Variants in ASCC3 observed in about 807,000 individuals in gnomAD.
ASCC3 encodes the protein activating signal cointegrator 1 complex subunit 3.
A neutral mutation model predicts 256.3 loss-of-function variants in ASCC3; 158 were observed. The ratio of observed to expected loss-of-function variants is 0.62; its 90% CI spans 0.54 to 0.70. ASCC3 has a LOEUF of 0.70. Ranked by LOEUF, ASCC3 falls within the 30% of genes least tolerant of loss-of-function variation. The pLI is 0.00. For missense variants in ASCC3, 2,259 were observed against 2,626.0 expected (o/e 0.86, Z 3.05); for synonymous variants, 948 against 883.4 (o/e 1.07, Z -1.30).
chr6:100,541,023 G>T (rs1483698302), intron 36 of ASCC3, among the ~76,000 whole-genome samples: 1 of 152,148 alleles, frequency 6.6e-6, no homozygotes, highest in African/African-American at 2.4e-5. Flanking sequence ...GGGTACAGTA[G>T]TGAAAAGTAG....
intron 8 of ASCC3, among the ~76,000 whole-genome samples, chr6:100,772,218 C>T (rs780552197): frequency 1.3e-5 from 2 of 152,092 alleles, no homozygotes; most frequent in South Asian, 4.1e-4. Flanking sequence ...CAAACATACA[C>T]CTAAACTAAA....
intron 17 of ASCC3, among the ~76,000 whole-genome samples, chr6:100,654,126 G>C (rs1231148765): frequency 6.6e-6 from 1 of 152,020 alleles, no homozygotes; most frequent in Non-Finnish European, 1.5e-5. Flanking sequence ...AATACAAAAA[G>C]TCTTAAATGT....
At chr6:100,648,091 A>T (rs1775477462) in intron 20 of ASCC3, among the ~76,000 whole-genome samples, 1 of 152,138 alleles carries the variant, frequency 6.6e-6, no homozygotes, top group Non-Finnish European at 1.5e-5. Context: ...AAAAAATTTG[A>T]CCAAGGTCAC....
At chr6:100,527,894 T>C (rs1381119731) in intron 37 of ASCC3, among the ~76,000 whole-genome samples, 2 of 151,746 alleles carry the variant, frequency 1.3e-5, no homozygotes, top group African/African-American at 4.8e-5. Flanking sequence ...GCTGGAGTGC[T>C]GCAGCATGAA....
At chr6:100,868,566 AT>A (rs954812429) in intron 1 of ASCC3, among the ~76,000 whole-genome samples, 1 of 152,192 alleles carries the variant, frequency 6.6e-6, no homozygotes, top group Non-Finnish European at 1.5e-5. Flanking sequence ...CAAAATTTTA[AT>A]TCTTTTTATA....
In ASCC3 at chr6:100,830,050, C is replaced by A. The variant is rs6917195; in HGVS notation, c.801+18098G>T. Among the ~76,000 whole-genome samples the A allele has an allele frequency of 2.0e-5, 3 of 151,692 alleles. No homozygotes were observed. In the East Asian group the frequency reaches 5.9e-4, roughly 30 times the overall value. ...ACAGAGCAAGATGGTACAAGACTAC[C>A]CACAACGGCATGTAATTTAAAAACC... On this transcript the variant is annotated intron_variant, in intron 4 of 41. Transcript: ENST00000369162.
chr6:100,703,787 T>C (rs1778452051), intron 13 of ASCC3, among the ~76,000 whole-genome samples: 1 of 151,938 alleles, frequency 6.6e-6, no homozygotes, highest in Admixed American at 6.6e-5. Context: ...ACCCATAGAA[T>C]GTCTATAACA....
chr6:100,580,788 T>A (rs574562278), intron 36 of ASCC3, among the ~76,000 whole-genome samples: 153 of 137,330 alleles, frequency 1.1e-3, no homozygotes, highest in African/African-American at 3.7e-3. Context: ...TGTGTCCATG[T>A]GTTCTCATTG....
intron 4 of ASCC3, among the ~76,000 whole-genome samples, chr6:100,811,722 A>G (rs754067514): frequency 3.9e-5 from 6 of 152,182 alleles, no homozygotes; most frequent in African/African-American, 9.6e-5. Context: ...TAAGTACTCT[A>G]TGAAAAACAT....
At chr6:100,616,316 A>C (rs1016335271) in intron 30 of ASCC3, among the ~76,000 whole-genome samples, 2 of 152,228 alleles carry the variant, frequency 1.3e-5, no homozygotes, top group Non-Finnish European at 2.9e-5. Flanking sequence ...TCTAGCATCT[A>C]AAAACACTTT....
At chr6:100,717,769 T>C (rs1451379019) in intron 12 of ASCC3, among the ~76,000 whole-genome samples, 2 of 152,086 alleles carry the variant, frequency 1.3e-5, no homozygotes, top group African/African-American at 4.8e-5. Flanking sequence ...CCTTCAATCA[T>C]TTCACGTCAA....
intron 4 of ASCC3, among the ~76,000 whole-genome samples, chr6:100,816,615 G>A (rs1028851982): frequency 6.6e-6 from 1 of 152,056 alleles, no homozygotes; most frequent in African/African-American, 2.4e-5. Flanking sequence ...GCAGGAACAT[G>A]GGTGAAAGCC....
At chr6:100,586,819 G>A (rs563453339) in intron 36 of ASCC3, among the ~76,000 whole-genome samples, 2 of 152,162 alleles carry the variant, frequency 1.3e-5, no homozygotes, top group Admixed American at 1.3e-4. Context: ...AAAGACAAAT[G>A]TAATGGGTAG....
At chr6:100,662,647 T>G in intron 14 of ASCC3, 111 bp from the exon 15 acceptor site, 1 of 974,618 alleles carries the variant, frequency 1.0e-6, no homozygotes. Context: ...TTTAAGCATC[T>G]TAAGGTATTA....
At chr6:100,589,541 C>A (rs1771879511) in intron 36 of ASCC3, 93 bp downstream of exon 36, 3 of 1,490,982 alleles carry the variant, frequency 2.0e-6, no homozygotes, top group African/African-American at 2.8e-5. Flanking sequence ...AAGGGCTTTA[C>A]AAATGGTTTC....
chr6:100,729,015 T>C (rs1451372009), intron 10 of ASCC3, among the ~76,000 whole-genome samples: 1 of 152,148 alleles, frequency 6.6e-6, no homozygotes, highest in African/African-American at 2.4e-5. Context: ...TTTCTGTATA[T>C]ACTGAAACTT....
At chr6:100,582,225 A>G (rs1771323414) in intron 36 of ASCC3, among the ~76,000 whole-genome samples, 1 of 152,014 alleles carries the variant, frequency 6.6e-6, no homozygotes, top group Non-Finnish European at 1.5e-5. Context: ...TGAGCATGGA[A>G]TGTTCTTCCA....
intron 8 of ASCC3, among the ~76,000 whole-genome samples, chr6:100,778,187 C>T (rs2114253130): frequency 6.6e-6 from 1 of 151,822 alleles, no homozygotes; most frequent in Admixed American, 6.6e-5. Context: ...ATTAAGATGA[C>T]AGACTGAGAG....
intron 13 of ASCC3, among the ~76,000 whole-genome samples, chr6:100,709,440 C>A (rs942966062): frequency 6.6e-6 from 1 of 152,118 alleles, no homozygotes; most frequent in Non-Finnish European, 1.5e-5. Flanking sequence ...CATTTAAGTA[C>A]TGGTGCCTCT....
Sources: gnomAD v4.1 joint callset for allele counts (sites outside exome capture counted in the v4.1 genomes callset) on GRCh38, gnomAD v4.1.1 for gene constraint, MANE v1.5 for transcripts, NCBI Gene and HGNC (gene_info 2026-07-23, HGNC 2026-07-21) for gene names.